The following IMMP2L variants were observed in gnomAD, a reference collection of about 807,000 sequenced individuals.
IMMP2L encodes inner mitochondrial membrane peptidase subunit 2.
IMMP2L carries 18 observed loss-of-function variants against 19.3 expected under a neutral mutation model. The ratio of observed to expected loss-of-function variants is 0.93; its 90% CI spans 0.64 to 1.38. The LOEUF (loss-of-function observed/expected upper bound fraction) is 1.38. Among genes scored for constraint, IMMP2L ranks in the 40% most tolerant of loss-of-function variants. IMMP2L has a pLI of 0.00. For missense variants in IMMP2L, 233 were observed against 218.2 expected (o/e 1.07, Z -0.43); for synonymous variants, 76 against 73.0 (o/e 1.04, Z -0.21).
At chr7:111,429,038 G>T (rs1836370225) in intron 3 of IMMP2L, among the ~76,000 whole-genome samples, 1 of 151,870 alleles carries the variant, frequency 6.6e-6, no homozygotes, top group Non-Finnish European at 1.5e-5. Flanking sequence ...TAAGTAGTTG[G>T]ATGAATAGGT....
intron 3 of IMMP2L, among the ~76,000 whole-genome samples, chr7:111,202,778 T>C (rs778723512): frequency 1.3e-5 from 2 of 152,130 alleles, no homozygotes; most frequent in Non-Finnish European, 2.9e-5. Context: ...CCAATAATGA[T>C]TGATTAGTAG....
intron 4 of IMMP2L, among the ~76,000 whole-genome samples, chr7:110,910,295 T>C (rs974497757): frequency 6.6e-6 from 1 of 152,206 alleles, no homozygotes. Context: ...AGTTTCATTT[T>C]TCCTCTCTTG....
intron 5 of IMMP2L, among the ~76,000 whole-genome samples, chr7:110,829,755 T>C (rs1177408642): frequency 6.6e-6 from 1 of 152,186 alleles, no homozygotes; most frequent in Non-Finnish European, 1.5e-5. Flanking sequence ...TCCTCAAGAC[T>C]CTGCATTTGG....
intron 3 of IMMP2L, among the ~76,000 whole-genome samples, chr7:111,104,466 T>G (rs1417198622): frequency 6.6e-6 from 1 of 151,864 alleles, no homozygotes; most frequent in Non-Finnish European, 1.5e-5. Context: ...ATGATGTCAC[T>G]TTAGTAACTA....
rs1241081404 is a variant in IMMP2L at position 110,728,222 on chromosome 7, G to T, written c.409-64501C>A. On this transcript the variant is annotated intron_variant, in intron 5 of 5. Transcript: ENST00000405709. This position sits in a 1 kb window ranked among gnomAD's most constrained non-coding sequence, Gnocchi z 4.6. Reference sequence around the variant, plus strand: ...TTATTAATAATCTTAAAGGCGACTGGGAGTGGTGGTTCACGCCTGTAATCC... The same window carrying T: ...TTATTAATAATCTTAAAGGCGACTGTGAGTGGTGGTTCACGCCTGTAATCC... Among the ~76,000 whole-genome samples the T allele has an allele frequency of 6.6e-6, 1 of 152,184 alleles. No individual in the cohort carries two copies. The highest frequency in any genetic ancestry group is 1.5e-5 in the Non-Finnish European group (1 of 68,042).
At chr7:111,359,463 G>A (rs991466867) in intron 3 of IMMP2L, among the ~76,000 whole-genome samples, 2 of 151,858 alleles carry the variant, frequency 1.3e-5, no homozygotes, top group Admixed American at 1.3e-4. Context: ...CACCACTCCT[G>A]GCTAATTTTT....
intron 3 of IMMP2L, among the ~76,000 whole-genome samples, chr7:111,366,894 T>C (rs1449699928): frequency 1.3e-5 from 2 of 151,924 alleles, no homozygotes; most frequent in Non-Finnish European, 1.5e-5. Flanking sequence ...ATAAAACCAA[T>C]GGGACAAAAT....
At chr7:110,773,576 C>A (rs1799178672) in intron 5 of IMMP2L, among the ~76,000 whole-genome samples, 1 of 152,092 alleles carries the variant, frequency 6.6e-6, no homozygotes, top group Non-Finnish European at 1.5e-5. Context: ...GCTATAGGAA[C>A]AATTTTCCTT....
chr7:110,879,516 C>G (rs1462377435), intron 5 of IMMP2L, among the ~76,000 whole-genome samples: 1 of 152,132 alleles, frequency 6.6e-6, no homozygotes, highest in African/African-American at 2.4e-5. Flanking sequence ...TGTATACTCA[C>G]TCTTCCCCAA....
In IMMP2L at chr7:110,882,391, T is replaced by G. The variant is rs1048949613; in HGVS notation, c.408+4202A>C. 2.0e-5 allele frequency among the ~76,000 whole-genome samples: 3 copies of G among 149,806 alleles called. No homozygotes were observed. The Admixed American group carries it at 2.0e-4, about 10-fold the overall frequency. ...TCTCTCTCTCCCTCTCTCTCTCTCT[T>G]TCTTTCTTGACAGAGTTTCTCTGTT... On this transcript the variant is annotated intron_variant, in intron 5 of 5. Coordinates refer to ENST00000405709, the MANE Select transcript of IMMP2L (RefSeq NM_032549.4).
At chr7:111,304,028 CAGAA>C (rs1165255564) in intron 3 of IMMP2L, among the ~76,000 whole-genome samples, 6 of 151,958 alleles carry the variant, frequency 3.9e-5, no homozygotes, top group African/African-American at 1.4e-4. Flanking sequence ...TTTATTGCAT[CAGAA>C]AGAAAATGAA....
At chr7:110,979,094 C>T (rs1012926866) in intron 3 of IMMP2L, among the ~76,000 whole-genome samples, 6 of 151,978 alleles carry the variant, frequency 3.9e-5, no homozygotes, top group African/African-American at 1.2e-4. Context: ...ATGATTTGGA[C>T]CAACCATGTT....
intron 3 of IMMP2L, among the ~76,000 whole-genome samples, chr7:111,429,598 T>A (rs116340603): frequency 6.6e-6 from 1 of 151,642 alleles, no homozygotes; most frequent in African/African-American, 2.4e-5. Flanking sequence ...ATTTATGAAA[T>A]AGCATCCTTT....
chr7:111,334,466 T>C (rs1430474966), intron 3 of IMMP2L, among the ~76,000 whole-genome samples: 4 of 152,126 alleles, frequency 2.6e-5, no homozygotes, highest in African/African-American at 9.7e-5. Context: ...ATGCATCAGT[T>C]GATTGGCACT....
intron 5 of IMMP2L, among the ~76,000 whole-genome samples, chr7:110,713,948 G>A (rs1795071070): frequency 2.6e-5 from 4 of 152,062 alleles, no homozygotes; most frequent in African/African-American, 9.7e-5. Flanking sequence ...CTCTGGCTAG[G>A]AATTCCAGTA....
intron 5 of IMMP2L, among the ~76,000 whole-genome samples, chr7:110,718,217 A>C (rs915250675): frequency 6.6e-6 from 1 of 152,212 alleles, no homozygotes; most frequent in Non-Finnish European, 1.5e-5. Flanking sequence ...AATAAGAGGA[A>C]ATACAGGCAT....
At chr7:111,503,144 A>G (rs369641148) in intron 2 of IMMP2L, among the ~76,000 whole-genome samples, 1 of 151,988 alleles carries the variant, frequency 6.6e-6, no homozygotes, top group Non-Finnish European at 1.5e-5. Context: ...GGGATATCAC[A>G]ACCGATCCCA....
chr7:111,309,649 T>C (rs1043811068), intron 3 of IMMP2L, among the ~76,000 whole-genome samples: 2 of 152,152 alleles, frequency 1.3e-5, no homozygotes, highest in African/African-American at 4.8e-5. Context: ...AAAGATCATA[T>C]GCTTATTTTC....
intron 4 of IMMP2L, among the ~76,000 whole-genome samples, chr7:110,943,882 G>C (rs549697166): frequency 6.6e-6 from 1 of 151,966 alleles, no homozygotes; most frequent in Non-Finnish European, 1.5e-5. Flanking sequence ...AGATGGCTGA[G>C]ACTCATGTTC....
Sources: allele counts gnomAD v4.1 joint callset (sites outside exome capture counted in the v4.1 genomes callset), GRCh38; gene constraint gnomAD v4.1.1; non-coding constraint Gnocchi (gnomAD v3.1); transcripts MANE v1.5; gene names NCBI Gene and HGNC (gene_info 2026-07-23, HGNC 2026-07-21).